Variants in PCDHGB1 observed in about 807,000 individuals in gnomAD.
The protein encoded by PCDHGB1 is protocadherin gamma-B1.
PCDHGB1 carries 34 observed loss-of-function variants against 56.6 expected under a neutral mutation model. That is an observed-to-expected ratio of 0.60 (90% CI 0.46 to 0.80). The LOEUF is 0.80. Ranked by LOEUF, PCDHGB1 falls within the 30% of genes least tolerant of loss-of-function variation. The pLI is 0.00. For missense variants in PCDHGB1, 1,278 were observed against 1,204.6 expected, an observed-to-expected ratio of 1.06 and a Z score of -0.90; for synonymous variants, 561 against 505.9, an observed-to-expected ratio of 1.11 and a Z score of -1.46.
rs750214310 is a variant in PCDHGB1 at position 141,432,447 on chromosome 5, T to C, written c.2410-62360T>C. 1 of 1,614,202 alleles carries C rather than the reference T, an allele frequency of 6.2e-7. No homozygotes were observed. Among genetic ancestry groups the C allele is most frequent in the South Asian group, 1.1e-5 (1 of 91,072 alleles). ...CAGAACGACAATGCGCCCGAGATCCTGTACCCCGCCCTCCCCACGGACGGT... is the reference window on the plus strand; with the variant it reads ...CAGAACGACAATGCGCCCGAGATCCCGTACCCCGCCCTCCCCACGGACGGT... On this transcript the variant is annotated intron_variant, in intron 1 of 3. Coordinates refer to ENST00000523390, the MANE Select transcript of PCDHGB1 (RefSeq NM_018922.3). This position sits in a 1 kb window ranked among gnomAD's most constrained non-coding sequence, Gnocchi z 6.0.
At chr5:141,354,991 AG>A (rs1759687682) in intron 1 of PCDHGB1, 1 of 634,544 alleles carries the variant, frequency 1.6e-6, no homozygotes, top group Non-Finnish European at 2.4e-6. Flanking sequence ...TTCACCAATC[AG>A]GGGGAAAAGA....
intron 1 of PCDHGB1, among the ~76,000 whole-genome samples, chr5:141,492,530 C>A (rs1595123138): frequency 1.3e-5 from 2 of 152,246 alleles, no homozygotes; most frequent in South Asian, 2.1e-4. Flanking sequence ...CCCACCTGCG[C>A]CCCGGGCTGG....
At chr5:141,415,974 C>T (rs2095976813) in intron 1 of PCDHGB1, 1 of 375,644 alleles carries the variant, frequency 2.7e-6, no homozygotes, top group African/African-American at 2.1e-5. Flanking sequence ...GCCCCTTAAG[C>T]AACCCTCTTG....
At position 141,356,943 on chromosome 5, in the gene PCDHGB1, C is replaced by T. The variant is rs374189449; in HGVS notation, c.2409+4274C>T. 109 of 1,614,240 alleles carry T rather than the reference C, an allele frequency of 6.8e-5. No homozygotes were observed. The African/African-American group carries it at 9.1e-4, about 13-fold the overall frequency. On this transcript the variant is annotated intron_variant, in intron 1 of 3. Transcript: ENST00000523390. ...CTGGTGTGGAGCTGGCACCCCGCTC[C>T]GCAGATTCCGGCTACCTGGTGACCA... is the stretch of plus-strand genomic sequence containing the variant.
chr5:141,398,528 C>T (rs1355149152), intron 1 of PCDHGB1: 2 of 1,613,386 alleles, frequency 1.2e-6, no homozygotes, highest in Non-Finnish European at 1.7e-6. Flanking sequence ...CCAAAATTCA[C>T]GCAAAATTCC....
intron 1 of PCDHGB1, chr5:141,475,971 C>T (rs750016455): frequency 2.1e-5 from 20 of 954,292 alleles, no homozygotes; most frequent in Non-Finnish European, 2.9e-5. Context: ...GAGGCAGAGA[C>T]TGAACAGCCG....
Position 141,491,670 on chromosome 5 carries a change from C to T in PCDHGB1, c.2410-3137C>T. The T allele has an allele frequency of 2.5e-6, 4 of 1,613,768 alleles. No individual in the cohort carries two copies. Among genetic ancestry groups the T allele is most frequent in the South Asian group, 1.1e-5 (1 of 91,082 alleles). On this transcript the variant is annotated intron_variant, in intron 1 of 3. Coordinates refer to ENST00000523390, the MANE Select transcript of PCDHGB1 (RefSeq NM_018922.3). The surrounding 1 kb of genome is among the most constrained non-coding windows in gnomAD (Gnocchi z 6.9). ...CGCTGGAGCCTGACGCCATCCGGTC[C>T]CGCTCTAATACGCTGCGGGAGCGGA...
chr5:141,399,091 G>A (rs1299050213), intron 1 of PCDHGB1: 2 of 1,613,762 alleles, frequency 1.2e-6, no homozygotes, highest in South Asian at 1.1e-5. Context: ...GGATGGTGGT[G>A]GACTGGTTGC....
intron 1 of PCDHGB1, chr5:141,357,869 A>G: frequency 3.5e-6 from 2 of 565,622 alleles, no homozygotes; most frequent in South Asian, 4.5e-5. Context: ...CTAATTTTAC[A>G]ACTCTGAGCC....
rs969397099 is a variant in PCDHGB1, at chr5:141,477,807, C to T, written c.2410-17000C>T. 6.2e-6 allele frequency: 10 copies of T among 1,613,932 alleles called. No homozygotes were observed. Among genetic ancestry groups the T allele is most frequent in the African/African-American group, 1.3e-5 (1 of 74,922 alleles). ...TTTGTCACTGATCGCAATGACAATG[C>T]CCCCCAGGTCCTATATCCTCGGCCA... is the stretch of plus-strand genomic sequence containing the variant. On this transcript the variant is annotated intron_variant, in intron 1 of 3. Transcript: ENST00000523390. The surrounding 1 kb of genome is among the most constrained non-coding windows in gnomAD (Gnocchi z 4.9).
In PCDHGB1 at chr5:141,352,529, G is replaced by T; in HGVS notation, c.2269G>T (p.Ala757Ser). 1 of 1,613,988 alleles carries T rather than the reference G, an allele frequency of 6.2e-7. No individual in the cohort carries two copies. The highest frequency in any genetic ancestry group is 8.5e-7 in the Non-Finnish European group (1 of 1,179,896). ...CAATCTATGTATTGCCTCTCATTCT[G>T]CAAAGACAGAGTTTAATTCTCTCAA... ...SYNLCIASHS[A>S]KTEFNSLNLT... Residue 757 changes from alanine (A) to serine (S), a missense_variant, in exon 1 of 4, where the codon GCA becomes TCA. Ala to Ser is a moderately conservative substitution (Grantham distance 99). Coordinates refer to ENST00000523390, the MANE Select transcript of PCDHGB1 (RefSeq NM_018922.3).
chr5:141,472,068 G>C (rs1050927364), intron 1 of PCDHGB1, among the ~76,000 whole-genome samples: 7 of 151,974 alleles, frequency 4.6e-5, no homozygotes, highest in Non-Finnish European at 8.8e-5. Context: ...CATGTCTGTG[G>C]TTATATCAAT....
intron 1 of PCDHGB1, chr5:141,376,337 A>G (rs780979921): frequency 1.9e-6 from 3 of 1,613,924 alleles, no homozygotes; most frequent in Non-Finnish European, 2.5e-6. Context: ...TTTCCTGCAG[A>G]CCTATTCCCA....
In PCDHGB1 at chr5:141,351,258, T is replaced by C; in HGVS notation, c.998T>C (p.Ile333Thr). 6.2e-7 allele frequency: 1 copy of C among 1,613,936 alleles called. No individual in the cohort carries two copies. Among genetic ancestry groups the C allele is most frequent in the Non-Finnish European group, 8.5e-7 (1 of 1,179,882 alleles). Residue 333 changes from isoleucine to threonine, a missense_variant, in exon 1 of 4, where the codon ATT becomes ACT. By Grantham distance (89) the Ile-to-Thr change is moderately conservative. Transcript: ENST00000523390. ...HTAHCNVQIE[I>T]VDENDNAPEV... ...GCTCACTGTAATGTTCAAATAGAAA[T>C]TGTTGACGAGAATGACAATGCCCCA...
intron 1 of PCDHGB1, chr5:141,423,461 A>G (rs1590478217): frequency 6.2e-7 from 1 of 1,613,982 alleles, no homozygotes; most frequent in Non-Finnish European, 8.5e-7. Context: ...GTAGGCGTGG[A>G]CGGGGTACAG....
At position 141,366,500 on chromosome 5, in the gene PCDHGB1, C is replaced by T. The variant is rs538032302; in HGVS notation, c.2409+13831C>T. The T allele has an allele frequency of 1.5e-5, 24 of 1,614,276 alleles. No homozygotes were observed. In the South Asian group the frequency reaches 2.3e-4, roughly 16 times the overall value. On this transcript the variant is annotated intron_variant, in intron 1 of 3. Coordinates refer to ENST00000523390, the MANE Select transcript of PCDHGB1 (RefSeq NM_018922.3). The stretch of plus-strand genomic sequence containing the variant: ...ACTGAGGCGCTGGCACAAGTCACGC[C>T]TGCTTCAGGCTGAAGGCAGCAGGTT...
Position 141,350,106 on chromosome 5 carries a change from T to C in PCDHGB1, c.-155T>C. On this transcript the variant is annotated 5_prime_UTR_variant, in exon 1 of 4. Transcript: ENST00000523390. The stretch of plus-strand genomic sequence containing the variant: ...AGGAGCGTCAGGCAGGGTGCCTTCC[T>C]GCTTTGTCCGGTGCACTGAGCACAG... The C allele has an allele frequency of 1.9e-6, 1 of 524,158 alleles. No individual in the cohort carries two copies. Among genetic ancestry groups the C allele is most frequent in the Non-Finnish European group, 3.0e-6 (1 of 330,328 alleles). 32.5% of individuals were successfully genotyped at this position (524,158 alleles called of 1,614,324 possible).
At chr5:141,358,919 A>G (rs1761058945) in intron 1 of PCDHGB1, among the ~76,000 whole-genome samples, 1 of 152,222 alleles carries the variant, frequency 6.6e-6, no homozygotes, top group Non-Finnish European at 1.5e-5. Flanking sequence ...TTTTGTGTGT[A>G]GGGGATATAC....
chr5:141,501,453 C>T (rs567794395), intron 2 of PCDHGB1, among the ~76,000 whole-genome samples: 1 of 152,094 alleles, frequency 6.6e-6, no homozygotes, highest in Non-Finnish European at 1.5e-5. Flanking sequence ...TTTTACTTTT[C>T]ACTATTCCCC....
Sources: allele counts gnomAD v4.1 joint callset (sites outside exome capture counted in the v4.1 genomes callset), GRCh38; gene constraint gnomAD v4.1.1; non-coding constraint Gnocchi (gnomAD v3.1); transcripts MANE v1.5; gene names NCBI Gene and HGNC (gene_info 2026-07-23, HGNC 2026-07-21).